Variants in SNX29 observed in about 807,000 individuals in gnomAD.
The protein encoded by SNX29 is sorting nexin 29.
In SNX29, 78 loss-of-function variants were observed where a neutral mutation model predicts 102.1. The ratio of observed to expected loss-of-function variants is 0.76; its 90% CI spans 0.64 to 0.92. The LOEUF is 0.92. Among genes scored for constraint, SNX29 ranks in the 40% least tolerant of loss-of-function variants. The pLI is 0.00. For missense variants in SNX29, 1,280 were observed against 1,061.7 expected, an observed-to-expected ratio of 1.21 and a Z score of -2.86; for synonymous variants, 580 against 414.5, an observed-to-expected ratio of 1.40 and a Z score of -4.85.
At chr16:12,328,479 C>G (rs2081189669) in intron 15 of SNX29, among the ~76,000 whole-genome samples, 1 of 152,178 alleles carries the variant, frequency 6.6e-6, no homozygotes, top group African/African-American at 2.4e-5. Context: ...AGGCTATGAC[C>G]TCTGCCCCAA....
chr16:12,467,040 G>A (rs1430466894), intron 18 of SNX29, among the ~76,000 whole-genome samples: 2 of 152,210 alleles, frequency 1.3e-5, no homozygotes, highest in African/African-American at 4.8e-5. Context: ...TAGGTGTGAA[G>A]GAAAAGGCAG....
intron 18 of SNX29, among the ~76,000 whole-genome samples, chr16:12,430,536 C>G (rs1176386735): frequency 6.6e-6 from 1 of 152,220 alleles, no homozygotes; most frequent in African/African-American, 2.4e-5. Context: ...ACATTCCTAA[C>G]CTCAGTTTAT....
intron 15 of SNX29, among the ~76,000 whole-genome samples, chr16:12,278,480 A>G (rs960734341): frequency 6.6e-6 from 1 of 152,176 alleles, no homozygotes; most frequent in South Asian, 2.1e-4. Context: ...AAAAGAAAAA[A>G]AAAACCAAAA....
chr16:12,550,516 C>G (rs984094977), intron 20 of SNX29, among the ~76,000 whole-genome samples: 33 of 137,074 alleles, frequency 2.4e-4, no homozygotes, highest in African/African-American at 7.3e-4. Context: ...GTCTGGGAGA[C>G]ACAGTCTCAA....
chr16:12,570,182 G>C lies in SNX29; in HGVS notation c.*1553G>C. On this transcript the variant is annotated 3_prime_UTR_variant, in exon 21 of 21. Coordinates refer to ENST00000566228, the MANE Select transcript of SNX29 (RefSeq NM_032167.5). ...CGCCCCCCCACCCCAGAGAAACCGA[G>C]TCAGCCTACATGACTTCCAAGGGGA... The C allele has an allele frequency of 1.9e-6, 2 of 1,065,414 alleles. No individual in the cohort carries two copies. The highest frequency in any genetic ancestry group is 2.3e-6 in the Non-Finnish European group (2 of 879,242). The allele number at this position is 1,065,414 out of a possible 1,614,324, so 66.0% of individuals were successfully genotyped here.
At chr16:12,548,770 C>T (rs896596803) in intron 20 of SNX29, among the ~76,000 whole-genome samples, 3 of 152,156 alleles carry the variant, frequency 2.0e-5, no homozygotes, top group South Asian at 2.1e-4. Flanking sequence ...TCTCTCATCC[C>T]CCAGCCACCA....
intron 15 of SNX29, among the ~76,000 whole-genome samples, chr16:12,286,398 T>C (rs1370114413): frequency 1.4e-5 from 2 of 146,512 alleles, no homozygotes; most frequent in African/African-American, 5.1e-5. Flanking sequence ...CAGGCTGGAG[T>C]GCAGTGGTGT....
At chr16:12,214,627 C>G (rs754207689) in intron 14 of SNX29, among the ~76,000 whole-genome samples, 1 of 151,940 alleles carries the variant, frequency 6.6e-6, no homozygotes. Context: ...AGAGAGAGAG[C>G]CTCTCTCCTG....
At position 12,550,601 on chromosome 16, in the gene SNX29, C is replaced by T. The variant is rs75332076; in HGVS notation, c.2319-17905C>T. 3.7e-3 allele frequency among the ~76,000 whole-genome samples: 554 copies of T among 151,380 alleles called. 3 individuals carry two copies. The highest frequency in any genetic ancestry group is 0.013 in the African/African-American group (536 of 41,280). On this transcript the variant is annotated intron_variant, in intron 20 of 20. Coordinates refer to ENST00000566228, the MANE Select transcript of SNX29 (RefSeq NM_032167.5). ...TCCACCGGTGCATACATACGTGCTT[C>T]TATGTGTAATGTATACCTGTAGAAA... is the stretch of plus-strand genomic sequence containing the variant.
intron 19 of SNX29, among the ~76,000 whole-genome samples, chr16:12,518,221 C>G (rs2089949962): frequency 6.6e-6 from 1 of 152,156 alleles, no homozygotes; most frequent in African/African-American, 2.4e-5. Flanking sequence ...AGCATTGCTT[C>G]TCAGTGTTGA....
intron 9 of SNX29, 134 bp downstream of exon 9, chr16:12,061,780 G>A (rs2050786542): frequency 2.8e-6 from 2 of 703,520 alleles, no homozygotes; most frequent in Admixed American, 5.2e-5. Flanking sequence ...TTCAGGGCCA[G>A]GGGGAGCTCA....
At chr16:12,152,441 A>T (rs2055341120) in intron 13 of SNX29, among the ~76,000 whole-genome samples, 1 of 152,186 alleles carries the variant, frequency 6.6e-6, no homozygotes. Context: ...AGCAGGAGAC[A>T]GTGTGGCTTC....
intron 9 of SNX29, among the ~76,000 whole-genome samples, chr16:12,063,489 C>T (rs1163746171): frequency 1.3e-5 from 2 of 150,194 alleles, no homozygotes; most frequent in African/African-American, 4.9e-5. Context: ...ATTCTCCTGC[C>T]TCAGCTTCCA....
chr16:12,206,944 A>G (rs1217264882), intron 14 of SNX29, among the ~76,000 whole-genome samples: 1 of 151,688 alleles, frequency 6.6e-6, no homozygotes, highest in East Asian at 1.9e-4. Flanking sequence ...CAAATATGCT[A>G]CAAATGTGCT....
At chr16:12,115,515 G>GTGTA (rs2053662541) in intron 11 of SNX29, among the ~76,000 whole-genome samples, 1 of 151,758 alleles carries the variant, frequency 6.6e-6, no homozygotes, top group Non-Finnish European at 1.5e-5. Flanking sequence ...GTGTGTGTGT[G>GTGTA]TGTGTGTGGT....
At chr16:12,162,475 G>A (rs1304334982) in intron 13 of SNX29, among the ~76,000 whole-genome samples, 7 of 152,214 alleles carry the variant, frequency 4.6e-5, no homozygotes, top group Non-Finnish European at 1.0e-4. Context: ...CACAACTACT[G>A]AAGTCTGCTG....
chr16:12,477,235 G>T lies in SNX29; in HGVS notation c.2038-484G>T, dbSNP rs569335593. Among the ~76,000 whole-genome samples, 18 of 152,268 alleles carry T rather than the reference G, an allele frequency of 1.2e-4. No homozygotes were observed. In the South Asian group the frequency reaches 3.5e-3, roughly 30 times the overall value. The stretch of plus-strand genomic sequence containing the variant: ...AGCTCTTGCCCCCTCCCTTCTTTCT[G>T]AAACTGAATTCCACCTCATCTGTGT... On this transcript the variant is annotated intron_variant, in intron 18 of 20. Coordinates refer to ENST00000566228, the MANE Select transcript of SNX29 (RefSeq NM_032167.5).
rs922206875 is a variant in SNX29, at chr16:12,522,377, G to A, written c.2179-2325G>A. ...TCTTCTTGCCATGCTCGGGGCCTTG[G>A]CAAGGCTTTGTGGGAACTCTTCTCT... On this transcript the variant is annotated intron_variant, in intron 19 of 20. Transcript: ENST00000566228. 3.9e-5 allele frequency among the ~76,000 whole-genome samples: 6 copies of A among 152,308 alleles called. No homozygotes were observed. The East Asian group carries it at 1.2e-3, about 29-fold the overall frequency.
intron 13 of SNX29, among the ~76,000 whole-genome samples, chr16:12,163,561 C>T (rs2055884799): frequency 6.6e-6 from 1 of 152,114 alleles, no homozygotes; most frequent in African/African-American, 2.4e-5. Context: ...GTTAGAGAGG[C>T]GTTTCCATTG....
Sources: gnomAD v4.1 joint callset for allele counts (sites outside exome capture counted in the v4.1 genomes callset) on GRCh38, gnomAD v4.1.1 for gene constraint, MANE v1.5 for transcripts, NCBI Gene and HGNC (gene_info 2026-07-23, HGNC 2026-07-21) for gene names.